C14orf180: variants seen among roughly 807,000 people sequenced by gnomAD.
The protein encoded by C14orf180 is chromosome 14 open reading frame 180, also known as nutritionally-regulated adipose and cardiac enriched protein homolog.
C14orf180 carries 13 observed loss-of-function variants against 13.9 expected under a neutral mutation model. The observed-to-expected ratio is 0.94, with a 90% confidence interval of 0.61 to 1.49. The LOEUF (loss-of-function observed/expected upper bound fraction) is 1.49, where lower values mean the gene tolerates loss of function less well. Among genes scored for constraint, C14orf180 ranks in the 40% most tolerant of loss-of-function variants. The pLI is 0.00. For missense variants in C14orf180, 238 were observed against 232.0 expected, an observed-to-expected ratio of 1.03 and a Z score of -0.17; for synonymous variants, 113 against 106.3, an observed-to-expected ratio of 1.06 and a Z score of -0.39.
At chr14:104,588,409 T>C in intron 4 of C14orf180, 100 bp downstream of exon 4, 2 of 1,549,138 alleles carry the variant, frequency 1.3e-6, no homozygotes, top group Non-Finnish European at 1.8e-6. Context: ...CCAGGGCCTC[T>C]AAGGAGTCCC....
Position 104,589,084 on chromosome 14 carries a change from A to G in C14orf180, c.*301A>G, listed in dbSNP as rs116265213. The G allele has an allele frequency of 1.1e-5, 6 of 543,694 alleles. No homozygotes were observed. Among genetic ancestry groups the G allele is most frequent in the African/African-American group, 9.8e-5 (5 of 50,878 alleles). The allele number at this position is 543,694 out of a possible 1,614,324, so 33.7% of individuals were successfully genotyped here. A position where few individuals can be genotyped will look rare whatever the true frequency, so the allele number is the denominator to read the frequency against. On this transcript the variant is annotated 3_prime_UTR_variant, in exon 5 of 5. Coordinates refer to ENST00000557649, the MANE Select transcript of C14orf180 (RefSeq NM_001008404.3). This position sits in a 1 kb window ranked among gnomAD's most constrained non-coding sequence, Gnocchi z 4.9. ...AGTTGAGGCTCCCCAGGCTCACCCAAAGACCCCTCCCTCGTCCCAGCAGGA... is the reference window on the plus strand; with the variant it reads ...AGTTGAGGCTCCCCAGGCTCACCCAGAGACCCCTCCCTCGTCCCAGCAGGA...
intron 1 of C14orf180, among the ~76,000 whole-genome samples, chr14:104,582,267 C>T (rs1397326137): frequency 2.0e-5 from 3 of 152,136 alleles, no homozygotes; most frequent in Non-Finnish European, 2.9e-5. Flanking sequence ...GGCCCCAGAG[C>T]TTGGCGTTAT....
At chr14:104,586,352 AT>A (rs1340976084) in intron 1 of C14orf180, 62 bp from the exon 2 acceptor site, 1 of 1,127,478 alleles carries the variant, frequency 8.9e-7, no homozygotes, top group Non-Finnish European at 1.2e-6. Context: ...TCCTCCTCTT[AT>A]TTTCATTCCT....
Position 104,588,218 on chromosome 14 carries a change from G to A in C14orf180, c.242-56G>A, listed in dbSNP as rs968906832. On this transcript the variant is annotated intron_variant, in intron 3 of 4. Transcript: ENST00000557649. ...GTGCAGGGTGAGACGAGAGGGCGGG[G>A]GCGCCCGATGGACTGAGGCAGGTGC... 1.2e-5 allele frequency: 20 copies of A among 1,608,512 alleles called. No homozygotes were observed. In the African/African-American group the frequency reaches 1.5e-4, roughly 12 times the overall value.
chr14:104,583,055 G>A (rs1268562706), intron 1 of C14orf180, among the ~76,000 whole-genome samples: 3 of 152,254 alleles, frequency 2.0e-5, no homozygotes, highest in South Asian at 2.1e-4. Flanking sequence ...AAGGGGAAGC[G>A]TGAAGCCCAG....
intron 1 of C14orf180, among the ~76,000 whole-genome samples, chr14:104,582,952 G>GA (rs981869258): frequency 8.5e-5 from 13 of 152,292 alleles, no homozygotes; most frequent in African/African-American, 3.1e-4. Flanking sequence ...TTCCACTGGG[G>GA]AAAATGAGGC....
At position 104,589,010 on chromosome 14, in the gene C14orf180, G is replaced by A; in HGVS notation, c.*227G>A. ...AGTCAGCACAGCCCTCCTGTCTCCT[G>A]TGTTGGGTCCATGTGAGATTTTATT... is the stretch of plus-strand genomic sequence containing the variant. On this transcript the variant is annotated 3_prime_UTR_variant, in exon 5 of 5. Transcript: ENST00000557649. The surrounding 1 kb of genome is among the most constrained non-coding windows in gnomAD (Gnocchi z 4.9). 1.1e-6 allele frequency: 1 copy of A among 878,486 alleles called. No homozygotes were observed. The highest frequency in any genetic ancestry group is 1.7e-6 in the Non-Finnish European group (1 of 604,418). The allele number at this position is 878,486 out of a possible 1,614,324, so 54.4% of individuals were successfully genotyped here.
At chr14:104,587,439 A>G (rs542027770) in intron 2 of C14orf180, among the ~76,000 whole-genome samples, 22 of 151,770 alleles carry the variant, frequency 1.4e-4, no homozygotes, top group Admixed American at 5.9e-4. Flanking sequence ...TGTCCTGGGG[A>G]CCCTGTCCAG....
At chr14:104,582,949 G>T (rs1194170892) in intron 1 of C14orf180, among the ~76,000 whole-genome samples, 2 of 152,014 alleles carry the variant, frequency 1.3e-5, no homozygotes. Context: ...TGCTTCCACT[G>T]GGGAAAATGA....
At chr14:104,583,442 G>A (rs1886506464) in intron 1 of C14orf180, among the ~76,000 whole-genome samples, 1 of 152,198 alleles carries the variant, frequency 6.6e-6, no homozygotes, top group Admixed American at 6.5e-5. Context: ...GCGGACTCGG[G>A]TCTGTGCACT....
Position 104,579,830 on chromosome 14 carries a change from G to A in C14orf180, c.-190G>A, listed in dbSNP as rs1016680209. 1.3e-5 allele frequency: 2 copies of A among 152,346 alleles called. No homozygotes were observed. The highest frequency in any genetic ancestry group is 2.9e-5 in the Non-Finnish European group (2 of 68,164). The allele number at this position is 152,346 out of a possible 1,614,324, so 9.4% of individuals were successfully genotyped here. On this transcript the variant is annotated 5_prime_UTR_variant, in exon 1 of 5. Transcript: ENST00000557649. ...ATCAGAGCCCTCGGGAAGGAGGCCT[G>A]GGCGGGCCTGGCCCGTTCACCTGTG... is the stretch of plus-strand genomic sequence containing the variant.
chr14:104,584,422 A>G (rs73361808), intron 1 of C14orf180, among the ~76,000 whole-genome samples: 10,898 of 152,204 alleles, frequency 0.072, 1,331 homozygotes, highest in African/African-American at 0.25. Context: ...GCTTTAGCAG[A>G]GTTTCTATCC....
rs569849919 is a variant in C14orf180 at position 104,588,338 on chromosome 14, C to T, written c.277+29C>T. ...AGTTCTGAGCCCACATCCCTGTGCC[C>T]CACTGCCCCCTCCGTGGGTGCACCC... On this transcript the variant is annotated intron_variant, in intron 4 of 4. Coordinates refer to ENST00000557649, the MANE Select transcript of C14orf180 (RefSeq NM_001008404.3). 2.2e-5 allele frequency: 36 copies of T among 1,609,586 alleles called. No homozygotes were observed. In the South Asian group the frequency reaches 2.6e-4, roughly 12 times the overall value.
rs560319692 is a variant in C14orf180, at chr14:104,586,548, C to T, written c.111+7C>T. 1.7e-5 allele frequency: 26 copies of T among 1,505,916 alleles called. No homozygotes were observed. Among genetic ancestry groups the T allele is most frequent in the Admixed American group, 1.1e-4 (5 of 45,420 alleles). The allele number at this position is 1,505,916 out of a possible 1,614,324, so 93.3% of individuals were successfully genotyped here. On this transcript the variant is annotated splice_region_variant and intron_variant, in intron 2 of 4. Coordinates refer to ENST00000557649, the MANE Select transcript of C14orf180 (RefSeq NM_001008404.3). ...GGTGTGCAGGGCAGAGAGGGTAAGGCGGGCCGCTGGGACACAGCTTCTGCA... is the reference window on the plus strand; with the variant it reads ...GGTGTGCAGGGCAGAGAGGGTAAGGTGGGCCGCTGGGACACAGCTTCTGCA...
intron 2 of C14orf180, among the ~76,000 whole-genome samples, 159 bp downstream of exon 2, chr14:104,586,700 C>T (rs1195002998): frequency 3.1e-5 from 2 of 65,482 alleles, no homozygotes; most frequent in African/African-American, 1.3e-4. Flanking sequence ...GGGGGAGCAG[C>T]GGGGGGCAAT....
chr14:104,582,455 AC>A (rs2140456499), intron 1 of C14orf180, among the ~76,000 whole-genome samples: 1 of 152,150 alleles, frequency 6.6e-6, no homozygotes, highest in Admixed American at 6.5e-5. Context: ...ACCCCCAAAG[AC>A]TGTTGGAGGG....
chr14:104,580,735 GACGCC>G (rs11276873), intron 1 of C14orf180, among the ~76,000 whole-genome samples: 37,009 of 151,910 alleles, frequency 0.24, 7,370 homozygotes, highest in East Asian at 0.75. Context: ...CCCAGCACTG[GACGCC>G]ACGCCATTTC....
At chr14:104,583,514 G>T (rs1241449269) in intron 1 of C14orf180, among the ~76,000 whole-genome samples, 1 of 152,142 alleles carries the variant, frequency 6.6e-6, no homozygotes, top group Admixed American at 6.5e-5. Context: ...TTTCACAGCT[G>T]AGCAGACCAA....
rs1596292127 is a variant in C14orf180 at position 104,588,960 on chromosome 14, G to C, written c.*177G>C. On this transcript the variant is annotated 3_prime_UTR_variant, in exon 5 of 5. Coordinates refer to ENST00000557649, the MANE Select transcript of C14orf180 (RefSeq NM_001008404.3). ...CGTGGCGTGAGATCGGACATGGGGGGCACAGCAGGCGGCCCCGCCACACTA... is the reference window on the plus strand; with the variant it reads ...CGTGGCGTGAGATCGGACATGGGGGCCACAGCAGGCGGCCCCGCCACACTA... 2.2e-6 allele frequency: 3 copies of C among 1,351,708 alleles called. No individual in the cohort carries two copies. Among genetic ancestry groups the C allele is most frequent in the Non-Finnish European group, 2.9e-6 (3 of 1,025,954 alleles). The allele number at this position is 1,351,708 out of a possible 1,614,324, so 83.7% of individuals were successfully genotyped here.
Sources: allele counts gnomAD v4.1 joint callset (sites outside exome capture counted in the v4.1 genomes callset), GRCh38; gene constraint gnomAD v4.1.1; non-coding constraint Gnocchi (gnomAD v3.1); transcripts MANE v1.5; gene names NCBI Gene and HGNC (gene_info 2026-07-23, HGNC 2026-07-21).